The following COL4A2 variants were observed in gnomAD, a reference collection of about 807,000 sequenced individuals.
The protein encoded by COL4A2 is collagen alpha-2(IV) chain.
Under a neutral mutation model 200.2 loss-of-function variants are expected in COL4A2, and 99 were observed. The ratio of observed to expected loss-of-function variants is 0.49; its 90% confidence interval spans 0.42 to 0.58. The LOEUF is 0.58. COL4A2 is among the 20% of genes least tolerant of loss of function. The pLI is 0.00. For missense variants in COL4A2, 1,950 were observed against 2,314.1 expected (o/e 0.84, Z 3.23); for synonymous variants, 897 against 900.6 (o/e 1.00, Z 0.07).
chr13:110,425,719 C>T (rs1250041688), intron 6 of COL4A2, among the ~76,000 whole-genome samples: 2 of 152,176 alleles, frequency 1.3e-5, no homozygotes, highest in African/African-American at 2.4e-5. Context: ...TGTGTGTGCC[C>T]GTGTCCTGCA....
In COL4A2 at chr13:110,479,954, C is replaced by T. The variant is rs77433282; in HGVS notation, c.2588-266C>T. Among the ~76,000 whole-genome samples, 1,113 of 152,320 alleles carry T rather than the reference C, an allele frequency of 7.3e-3. 10 individuals are homozygous for T. The highest frequency in any genetic ancestry group is 0.025 in the African/African-American group (1,027 of 41,578). ...CATCAGCATCCACACAGCTTTGTCC[C>T]TTGGCTTCTGAAGACTGCAGTGGGA... is the stretch of plus-strand genomic sequence containing the variant. On this transcript the variant is annotated intron_variant, in intron 30 of 47. Transcript: ENST00000360467.
chr13:110,454,286 G>A (rs181115414), intron 20 of COL4A2, among the ~76,000 whole-genome samples: 1 of 152,314 alleles, frequency 6.6e-6, no homozygotes, highest in East Asian at 1.9e-4. Context: ...GAGAAAAGGA[G>A]AGCAGCAGGG....
chr13:110,468,347 C>T (rs1358926542), intron 27 of COL4A2: 4 of 471,248 alleles, frequency 8.5e-6, no homozygotes, highest in Non-Finnish European at 1.3e-5. Context: ...ATTTCAACAC[C>T]GTCACTCATA....
chr13:110,411,493 G>A (rs1055175954), intron 4 of COL4A2, among the ~76,000 whole-genome samples: 2 of 152,298 alleles, frequency 1.3e-5, no homozygotes, highest in East Asian at 1.9e-4. Flanking sequence ...GAAATGGCTT[G>A]TTTGGGTTTC....
At chr13:110,491,120 C>T in intron 36 of COL4A2, 113 bp from the exon 37 acceptor site, 2 of 743,916 alleles carry the variant, frequency 2.7e-6, no homozygotes, top group South Asian at 1.5e-5. Context: ...GGATGCCTCT[C>T]TCCATTCCTG....
At chr13:110,504,429 C>G (rs919689395) in intron 45 of COL4A2, among the ~76,000 whole-genome samples, 165 bp downstream of exon 45, 7 of 152,212 alleles carry the variant, frequency 4.6e-5, no homozygotes, top group Non-Finnish European at 1.0e-4. Flanking sequence ...CACTCCTATG[C>G]CCAGCAGAAC....
intron 4 of COL4A2, among the ~76,000 whole-genome samples, chr13:110,391,358 C>G (rs1176218123): frequency 6.6e-6 from 1 of 152,160 alleles, no homozygotes; most frequent in Non-Finnish European, 1.5e-5. Context: ...AAAACCTTAC[C>G]CAATAGGAGT....
chr13:110,450,476 G>A (rs1463583294), intron 20 of COL4A2, 22 bp downstream of exon 20: 2 of 1,612,540 alleles, frequency 1.2e-6, no homozygotes, highest in African/African-American at 2.7e-5. Context: ...GAAACAAAAG[G>A]GAGGGTGTAG....
chr13:110,449,878 T>C lies in COL4A2; in HGVS notation c.1189+89T>C, dbSNP rs552940340. ...CACAAGGGAGACTTCGTTGACGACGTAGCTATGTCGTTGTTACTTTTCCCC... is the reference window on the plus strand; with the variant it reads ...CACAAGGGAGACTTCGTTGACGACGCAGCTATGTCGTTGTTACTTTTCCCC... On this transcript the variant is annotated intron_variant, in intron 19 of 47. Transcript: ENST00000360467. The C allele has an allele frequency of 3.6e-6, 5 of 1,385,090 alleles. No homozygotes were observed. The East Asian group carries it at 1.2e-4, about 35-fold the overall frequency. The allele number at this position is 1,385,090 out of a possible 1,614,324, so 85.8% of individuals were successfully genotyped here.
At chr13:110,319,398 G>C (rs1885224783) in intron 3 of COL4A2, among the ~76,000 whole-genome samples, 1 of 152,184 alleles carries the variant, frequency 6.6e-6, no homozygotes, top group Non-Finnish European at 1.5e-5. Context: ...TGAGATGCAA[G>C]TATAATTTAG....
intron 10 of COL4A2, among the ~76,000 whole-genome samples, chr13:110,431,305 A>G (rs1880673275): frequency 6.6e-6 from 1 of 152,244 alleles, no homozygotes; most frequent in African/African-American, 2.4e-5. Flanking sequence ...GACTGAGACA[A>G]GCTATCAAGG....
intron 7 of COL4A2, 23 bp downstream of exon 7, chr13:110,428,606 T>TCCCTGGAGCACAGGC: frequency 7.2e-7 from 1 of 1,385,750 alleles, no homozygotes; most frequent in Non-Finnish European, 9.7e-7. Context: ...ACAGCGCCTG[T>TCCCTGGAGCACAGGC]GCTCCAGGGA....
In COL4A2 at chr13:110,469,277, G is replaced by A. The variant is rs371548028; in HGVS notation, c.2156G>A (p.Arg719Lys). Residue 719 changes from arginine (R) to lysine (K), a missense_variant, in exon 28 of 48, where the codon AGG (arginine) becomes AAG (lysine). By Grantham distance (26) the Arg-to-Lys change is conservative. Coordinates refer to ENST00000360467, the MANE Select transcript of COL4A2 (RefSeq NM_001846.4). ...GGAGCTGATGGAGGACCAGGGCCCAGGGGCTTGCCAGGAGACGCAGGTCGT... is the reference window on the plus strand; with the variant it reads ...GGAGCTGATGGAGGACCAGGGCCCAAGGGCTTGCCAGGAGACGCAGGTCGT... ...FAGADGGPGP[R>K]GLPGDAGREG... 2 of 1,603,404 alleles carry A rather than the reference G, an allele frequency of 1.2e-6. No individual in the cohort carries two copies. The highest frequency in any genetic ancestry group is 1.7e-6 in the Non-Finnish European group (2 of 1,175,126).
At chr13:110,441,148 A>G (rs532429795) in intron 16 of COL4A2, among the ~76,000 whole-genome samples, 1 of 152,300 alleles carries the variant, frequency 6.6e-6, no homozygotes, top group African/African-American at 2.4e-5. Flanking sequence ...ATAGAGTTTT[A>G]TCAAAATCAC....
intron 3 of COL4A2, among the ~76,000 whole-genome samples, chr13:110,335,199 A>G (rs1210985640): frequency 6.6e-6 from 1 of 152,022 alleles, no homozygotes; most frequent in Admixed American, 6.6e-5. Context: ...ACTGCCTGCA[A>G]CCGTGTCTCC....
rs56676181 is a variant in COL4A2 at position 110,449,584 on chromosome 13, C to T, written c.1079-95C>T. ...ATCAGGCCGCATACAGCATATGGAG[C>T]ATTTGGTAAATATGTAGTCAATGAA... is the stretch of plus-strand genomic sequence containing the variant. On this transcript the variant is annotated intron_variant, in intron 18 of 47. Coordinates refer to ENST00000360467, the MANE Select transcript of COL4A2 (RefSeq NM_001846.4). 0.33 allele frequency: 400,558 copies of T among 1,203,346 alleles called. 69,512 individuals carry two copies. The highest frequency in any genetic ancestry group is 0.36 in the Non-Finnish European group (310,080 of 869,454). The allele number at this position is 1,203,346 out of a possible 1,614,324, so 74.5% of individuals were successfully genotyped here. A position where few individuals can be genotyped will look rare whatever the true frequency, so the allele number is the denominator to read the frequency against.
intron 3 of COL4A2, chr13:110,340,903 C>T (rs375209862): frequency 3.9e-5 from 6 of 152,216 alleles, no homozygotes; most frequent in Non-Finnish European, 7.3e-5. Flanking sequence ...ACTCGTGTTC[C>T]GGCGTCTGTG....
At position 110,396,006 on chromosome 13, in the gene COL4A2, C is replaced by T. The variant is rs58203716; in HGVS notation, c.181-28728C>T. Among the ~76,000 whole-genome samples the T allele has an allele frequency of 1.7e-3, 264 of 152,222 alleles. 2 individuals carry two copies. Among genetic ancestry groups the T allele is most frequent in the African/African-American group, 5.9e-3 (246 of 41,552 alleles). On this transcript the variant is annotated intron_variant, in intron 4 of 47. Transcript: ENST00000360467. ...ATGGAATAAAGTACATAAAAAGTAA[C>T]GAGTCAAAAGAAAGAAAAGGTTTTA...
At chr13:110,478,190 G>T (rs371116345) in intron 30 of COL4A2, 26 bp downstream of exon 30, 6 of 1,535,478 alleles carry the variant, frequency 3.9e-6, no homozygotes, top group Non-Finnish European at 5.3e-6. Flanking sequence ...TCCCATAAAC[G>T]AGTGGGGTCC....
Sources: allele counts gnomAD v4.1 joint callset (sites outside exome capture counted in the v4.1 genomes callset), GRCh38; gene constraint gnomAD v4.1.1; transcripts MANE v1.5; gene names NCBI Gene and HGNC (gene_info 2026-07-23, HGNC 2026-07-21).